Variants in PDE1C observed in about 807,000 individuals in gnomAD.
PDE1C encodes the protein dual specificity calcium/calmodulin-dependent 3',5'-cyclic nucleotide phosphodiesterase 1C.
A neutral mutation model predicts 93.1 loss-of-function variants in PDE1C; 62 were observed. That is an observed-to-expected ratio of 0.67 (90% confidence interval 0.54 to 0.82). The LOEUF (loss-of-function observed/expected upper bound fraction) is 0.82, where lower values mean the gene tolerates loss of function less well. Among genes scored for constraint, PDE1C ranks in the 40% least tolerant of loss-of-function variants. PDE1C has a pLI of 0.00. For synonymous variants in PDE1C, 325 were observed against 310.1 expected, an observed-to-expected ratio of 1.05 and a Z score of -0.50; for missense variants, 742 against 884.6, an observed-to-expected ratio of 0.84 and a Z score of 2.04.
rs142409022 is a variant in PDE1C, at chr7:31,935,628, C to T, written c.129-54768G>A. Among the ~76,000 whole-genome samples, 509 of 152,174 alleles carry T rather than the reference C, an allele frequency of 3.3e-3. 4 individuals are homozygous for T. The highest frequency in any genetic ancestry group is 0.024 in the Admixed American group (367 of 15,274). On this transcript the variant is annotated intron_variant, in intron 2 of 17. Transcript: ENST00000396191. Reference sequence around the variant, plus strand: ...AGGCCCAATGCTAGGCCTGGAGACACGCATAATAATAAAATAAGACTCAGT... The same window carrying T: ...AGGCCCAATGCTAGGCCTGGAGACATGCATAATAATAAAATAAGACTCAGT...
At chr7:32,214,854 C>T (rs1479774066) in intron 1 of PDE1C, among the ~76,000 whole-genome samples, 1 of 152,142 alleles carries the variant, frequency 6.6e-6, no homozygotes, top group Non-Finnish European at 1.5e-5. Flanking sequence ...GGGCAGTGAA[C>T]TAGACTCAAG....
chr7:32,210,290 A>T (rs918170442), intron 1 of PDE1C, among the ~76,000 whole-genome samples: 52 of 152,272 alleles, frequency 3.4e-4, no homozygotes. Context: ...GCCCATAAAC[A>T]TTATACCTTG....
chr7:31,905,604 T>C (rs1318903594), intron 2 of PDE1C, among the ~76,000 whole-genome samples: 1 of 152,220 alleles, frequency 6.6e-6, no homozygotes, highest in African/African-American at 2.4e-5. Context: ...ATTTCCTTTA[T>C]ATTGCTATGA....
chr7:32,227,000 T>C (rs967681316), intron 1 of PDE1C, among the ~76,000 whole-genome samples: 1 of 152,136 alleles, frequency 6.6e-6, no homozygotes, highest in Non-Finnish European at 1.5e-5. Context: ...CTCAATTGCT[T>C]TCTTCCTTCC....
chr7:31,855,067 T>G (rs1793829716), intron 7 of PDE1C, among the ~76,000 whole-genome samples: 1 of 35,654 alleles, frequency 2.8e-5, no homozygotes, highest in Non-Finnish European at 6.6e-5. Flanking sequence ...ACTCCCTCTG[T>G]CTAAAAAAAA....
intron 9 of PDE1C, 56 bp from the exon 10 acceptor site, chr7:31,838,027 A>T (rs1181800142): frequency 8.4e-7 from 1 of 1,194,444 alleles, no homozygotes; most frequent in African/African-American, 1.5e-5. Context: ...GAAAGTAAAA[A>T]TCAGTGTTTT....
intron 2 of PDE1C, among the ~76,000 whole-genome samples, chr7:32,040,139 A>G (rs998835063): frequency 6.6e-6 from 1 of 152,236 alleles, no homozygotes; most frequent in African/African-American, 2.4e-5. Flanking sequence ...TACATAAACA[A>G]CAATAAGTCA....
chr7:32,297,955 ATCTCTCTCTC>A (rs768784407), intron 1 of PDE1C, among the ~76,000 whole-genome samples: 6,166 of 28,660 alleles, frequency 0.22, 282 homozygotes, highest in Admixed American at 0.26. Flanking sequence ...CTATTGTTCA[ATCTCTCTCTC>A]TCTCTCTCTC....
chr7:32,032,068 T>C (rs1447383056), intron 2 of PDE1C, among the ~76,000 whole-genome samples: 1 of 152,126 alleles, frequency 6.6e-6, no homozygotes, highest in African/African-American at 2.4e-5. Flanking sequence ...CCAAGATTCC[T>C]TCTAGGGCCA....
chr7:32,178,408 A>G (rs948012221), intron 2 of PDE1C, among the ~76,000 whole-genome samples: 2 of 152,234 alleles, frequency 1.3e-5, no homozygotes, highest in Non-Finnish European at 2.9e-5. Context: ...CTGCTCTGAC[A>G]AAATGAAAAA....
chr7:31,959,530 G>C (rs190448590), intron 2 of PDE1C, among the ~76,000 whole-genome samples: 3 of 152,048 alleles, frequency 2.0e-5, no homozygotes, highest in Non-Finnish European at 2.9e-5. Flanking sequence ...TGGTCAATTG[G>C]ATGCTAACAA....
chr7:32,154,398 G>A (rs948704027), intron 3 of PDE1C, among the ~76,000 whole-genome samples: 2 of 152,112 alleles, frequency 1.3e-5, no homozygotes, highest in African/African-American at 4.8e-5. Flanking sequence ...AAATGGTACA[G>A]AGAGGTCCCA....
chr7:32,283,595 C>A (rs959666465), intron 1 of PDE1C, among the ~76,000 whole-genome samples: 3 of 152,168 alleles, frequency 2.0e-5, no homozygotes, highest in Non-Finnish European at 2.9e-5. Context: ...TGAAAGAAAG[C>A]ACCATGGATC....
intron 2 of PDE1C, among the ~76,000 whole-genome samples, chr7:32,208,198 A>C (rs1342127841): frequency 6.6e-6 from 1 of 151,566 alleles, no homozygotes; most frequent in Non-Finnish European, 1.5e-5. Context: ...AATCAATCCC[A>C]ACGTTTCAAA....
the PDE1C span, among the ~76,000 whole-genome samples, chr7:31,727,188 AC>A: frequency 6.6e-6 from 1 of 151,642 alleles, no homozygotes; most frequent in Non-Finnish European, 1.5e-5. Flanking sequence ...CCTTTCTAAC[AC>A]CTTACTGAGA....
Position 32,208,788 on chromosome 7 carries a change from G to A in PDE1C, c.136+701C>T, listed in dbSNP as rs536856583. On this transcript the variant is annotated intron_variant, in intron 2 of 18. Coordinates refer to the PDE1C transcript ENST00000396193. ...TGCGGGATAATTTGCTGATCACACTGGTACAGAAACCATTGAGAGGCTTTA... is the reference window on the plus strand; with the variant it reads ...TGCGGGATAATTTGCTGATCACACTAGTACAGAAACCATTGAGAGGCTTTA... Among the ~76,000 whole-genome samples, 31 of 152,190 alleles carry A rather than the reference G, an allele frequency of 2.0e-4. 1 individual carries two copies. The highest frequency in any genetic ancestry group is 3.4e-3 in the Middle Eastern group (1 of 294).
chr7:32,091,407 G>A (rs1403020622), intron 3 of PDE1C, among the ~76,000 whole-genome samples: 1 of 152,178 alleles, frequency 6.6e-6, no homozygotes. Context: ...GTAAGGTCAG[G>A]GACTTGGAGT....
intron 2 of PDE1C, chr7:31,941,196 T>G (rs1355084136): frequency 6.5e-6 from 1 of 152,856 alleles, no homozygotes; most frequent in African/African-American, 2.4e-5. Flanking sequence ...AAACACACTC[T>G]TTGAGCAAAA....
chr7:31,895,916 T>A (rs914263011), intron 2 of PDE1C, among the ~76,000 whole-genome samples: 2 of 152,094 alleles, frequency 1.3e-5, no homozygotes, highest in African/African-American at 4.8e-5. Flanking sequence ...CCATTAAACC[T>A]CTTTTTCTTT....
Sources: allele counts gnomAD v4.1 joint callset (sites outside exome capture counted in the v4.1 genomes callset), GRCh38; gene constraint gnomAD v4.1.1; transcripts MANE v1.5; gene names NCBI Gene and HGNC (gene_info 2026-07-23, HGNC 2026-07-21).